Variants in IL1RL2 observed in about 807,000 individuals in gnomAD.
The protein encoded by IL1RL2 is interleukin-1 receptor-like 2.
In IL1RL2, 68 loss-of-function variants were observed where a neutral mutation model predicts 66.8. That is an observed-to-expected ratio of 1.02 (90% CI 0.84 to 1.25). IL1RL2 has a LOEUF of 1.25. Ranked by LOEUF, IL1RL2 falls within the 50% of genes most tolerant of loss-of-function variation. IL1RL2 has a pLI of 0.00. For missense variants in IL1RL2, 729 were observed against 709.3 expected (o/e 1.03, Z -0.32); for synonymous variants, 305 against 264.6 (o/e 1.15, Z -1.48).
At chr2:102,213,516 T>C (rs1429699576) in intron 6 of IL1RL2, among the ~76,000 whole-genome samples, 17 of 152,132 alleles carry the variant, frequency 1.1e-4, no homozygotes, top group Admixed American at 1.1e-3. Flanking sequence ...ATTTGTCTAT[T>C]AAAACTAAAG....
Position 102,187,904 on chromosome 2 carries a change from C to A in IL1RL2, c.37C>A (p.Leu13Ile). 6.2e-7 allele frequency: 1 copy of A among 1,614,184 alleles called. No homozygotes were observed. Among genetic ancestry groups the A allele is most frequent in the East Asian group, 2.2e-5 (1 of 44,864 alleles). Residue 13 changes from leucine to isoleucine, a missense_variant, in exon 2 of 12, where the codon CTT (leucine) becomes ATT (isoleucine). By Grantham distance (5) the Leu-to-Ile change is conservative. Transcript: ENST00000264257. ...GCTGCTCTGCGGGTTGTCCATCGCC[C>A]TTCCACTGTCTGTCACAGCAGGTAC... ...SLLLCGLSIA[L>I]PLSVTADGCK...
intron 5 of IL1RL2, 52 bp downstream of exon 5, chr2:102,201,767 A>C (rs1434340801): frequency 1.3e-6 from 2 of 1,564,336 alleles, no homozygotes; most frequent in South Asian, 2.3e-5. Flanking sequence ...GCTTTGTGTG[A>C]ACTGGCTTCT....
chr2:102,231,565 T>C (rs898991455), intron 9 of IL1RL2, among the ~76,000 whole-genome samples: 3 of 77,252 alleles, frequency 3.9e-5, no homozygotes, highest in Non-Finnish European at 6.9e-5. Flanking sequence ...TCATTGTGAG[T>C]TTTTTTTTTC....
chr2:102,206,241 C>T (rs1410859519), intron 5 of IL1RL2, among the ~76,000 whole-genome samples: 1 of 152,012 alleles, frequency 6.6e-6, no homozygotes, highest in Non-Finnish European at 1.5e-5. Flanking sequence ...CAGGATTGGC[C>T]CCTGGTGCCT....
intron 2 of IL1RL2, among the ~76,000 whole-genome samples, chr2:102,188,393 G>A (rs1412393151): frequency 6.6e-6 from 1 of 152,094 alleles, no homozygotes; most frequent in East Asian, 1.9e-4. Flanking sequence ...GACCATCCTG[G>A]CTAACACGGT....
intron 4 of IL1RL2, among the ~76,000 whole-genome samples, chr2:102,194,840 T>C (rs2104724949): frequency 6.6e-6 from 1 of 152,248 alleles, no homozygotes; most frequent in South Asian, 2.1e-4. Context: ...CTTGAACCCC[T>C]GGGCTCGAGT....
intron 8 of IL1RL2, among the ~76,000 whole-genome samples, chr2:102,224,180 A>G (rs1176474317): frequency 6.6e-6 from 1 of 152,214 alleles, no homozygotes; most frequent in Non-Finnish European, 1.5e-5. Flanking sequence ...AAAACTAAAA[A>G]TATAACAACC....
chr2:102,204,831 A>G (rs1401446937), intron 5 of IL1RL2, among the ~76,000 whole-genome samples: 2 of 151,586 alleles, frequency 1.3e-5, no homozygotes, highest in African/African-American at 4.8e-5. Flanking sequence ...TTTATTGGAG[A>G]GTTTAGTCCA....
chr2:102,197,524 C>T (rs1687889029), intron 4 of IL1RL2, among the ~76,000 whole-genome samples: 1 of 152,128 alleles, frequency 6.6e-6, no homozygotes, highest in Non-Finnish European at 1.5e-5. Flanking sequence ...GTCTTTTTAT[C>T]CTGTAGAGGC....
chr2:102,217,051 C>A (rs1366523169), intron 6 of IL1RL2, among the ~76,000 whole-genome samples: 1 of 152,068 alleles, frequency 6.6e-6, no homozygotes, highest in Non-Finnish European at 1.5e-5. Flanking sequence ...TTGAATTTAT[C>A]TCTACTGGTT....
intron 3 of IL1RL2, among the ~76,000 whole-genome samples, chr2:102,189,831 T>G (rs1687075720): frequency 6.6e-6 from 1 of 152,166 alleles, no homozygotes; most frequent in Non-Finnish European, 1.5e-5. Flanking sequence ...TTTTTGTATT[T>G]TTAGTAGAGA....
At chr2:102,230,298 A>G (rs1691005680) in intron 9 of IL1RL2, among the ~76,000 whole-genome samples, 1 of 152,228 alleles carries the variant, frequency 6.6e-6, no homozygotes, top group Non-Finnish European at 1.5e-5. Flanking sequence ...TGGCTTTGGA[A>G]AGTCAAATGT....
At chr2:102,200,860 G>T (rs1688194811) in intron 4 of IL1RL2, among the ~76,000 whole-genome samples, 1 of 152,150 alleles carries the variant, frequency 6.6e-6, no homozygotes, top group South Asian at 2.1e-4. Flanking sequence ...CTTGTCCATG[G>T]AGGAGGCATG....
At position 102,235,298 on chromosome 2, in the gene IL1RL2, G is replaced by A. The variant is rs1378188724; in HGVS notation, c.1678+21G>A. 7 of 1,605,388 alleles carry A rather than the reference G, an allele frequency of 4.4e-6. No homozygotes were observed. The Admixed American group carries it at 8.4e-5, about 19-fold the overall frequency. On this transcript the variant is annotated intron_variant, in intron 11 of 11. Coordinates refer to ENST00000264257, the MANE Select transcript of IL1RL2 (RefSeq NM_003854.4). ...CGCAGGTGAGCGGGTGGGAGGACAC[G>A]AGGTTTGTCACGCACTGATGGAGGG...
intron 2 of IL1RL2, 38 bp downstream of exon 2, chr2:102,187,963 G>A: frequency 6.3e-7 from 1 of 1,589,904 alleles, no homozygotes; most frequent in Non-Finnish European, 8.6e-7. Context: ...GAGGCTGCCC[G>A]AGTCCACAGG....
At chr2:102,229,580 G>C (rs984222053) in intron 9 of IL1RL2, among the ~76,000 whole-genome samples, 4 of 152,216 alleles carry the variant, frequency 2.6e-5, no homozygotes, top group Non-Finnish European at 5.9e-5. Flanking sequence ...GCCGGGAAAT[G>C]TTGAGGTGCC....
intron 3 of IL1RL2, among the ~76,000 whole-genome samples, chr2:102,190,448 A>G (rs1559525547): frequency 6.6e-6 from 1 of 152,216 alleles, no homozygotes; most frequent in Non-Finnish European, 1.5e-5. Context: ...AACTGAGATC[A>G]GGTGTGAAGT....
rs1675174270 is a variant in IL1RL2, at chr2:102,239,827, G to A, written c.*586G>A. ...AGAGCTGGGGGGATCACCTGTCATG[G>A]TGGGTGAGAGTTGGGATTCATCCCC... On this transcript the variant is annotated 3_prime_UTR_variant, in exon 12 of 12. Coordinates refer to ENST00000264257, the MANE Select transcript of IL1RL2 (RefSeq NM_003854.4). The A allele has an allele frequency of 6.4e-6, 1 of 155,904 alleles. No homozygotes were observed. Among genetic ancestry groups the A allele is most frequent in the African/African-American group, 2.4e-5 (1 of 41,574 alleles). The allele number at this position is 155,904 out of a possible 1,614,324, so 9.7% of individuals were successfully genotyped here.
chr2:102,230,734 T>C (rs999265058), intron 9 of IL1RL2, among the ~76,000 whole-genome samples: 2 of 152,098 alleles, frequency 1.3e-5, no homozygotes, highest in African/African-American at 4.8e-5. Context: ...TGTGCAAGCA[T>C]GGGTGTGCAT....
Sources: allele counts gnomAD v4.1 joint callset (sites outside exome capture counted in the v4.1 genomes callset), GRCh38; gene constraint gnomAD v4.1.1; transcripts MANE v1.5; gene names NCBI Gene and HGNC (gene_info 2026-07-23, HGNC 2026-07-21).